Variants in CCDC150 observed in about 807,000 individuals in gnomAD.
CCDC150 encodes coiled-coil domain containing 150.
CCDC150 carries 151 observed loss-of-function variants against 156.5 expected under a neutral mutation model. The ratio of observed to expected loss-of-function variants is 0.97; its 90% confidence interval spans 0.85 to 1.10. The LOEUF (loss-of-function observed/expected upper bound fraction) is 1.10. CCDC150 is among the 50% of genes least tolerant of loss of function. CCDC150 has a pLI of 0.00. For missense variants in CCDC150, 1,312 were observed against 1,268.1 expected (o/e 1.03, Z -0.53); for synonymous variants, 452 against 429.4 (o/e 1.05, Z -0.65).
At chr2:196,723,239 A>T (rs1698025292) in intron 21 of CCDC150, among the ~76,000 whole-genome samples, 1 of 152,218 alleles carries the variant, frequency 6.6e-6, no homozygotes, top group African/African-American at 2.4e-5. Context: ...GCGGTGGCTC[A>T]CACCTGTAAT....
intron 2 of CCDC150, among the ~76,000 whole-genome samples, chr2:196,650,362 T>C (rs765602522): frequency 6.6e-6 from 1 of 152,208 alleles, no homozygotes; most frequent in Non-Finnish European, 1.5e-5. Context: ...TGGTGAATGA[T>C]CCTTTTACTG....
chr2:196,726,840 G>A (rs1201789344), intron 22 of CCDC150: 4 of 152,144 alleles, frequency 2.6e-5, no homozygotes, highest in African/African-American at 9.7e-5. Flanking sequence ...CCACCTGATG[G>A]ATGGCCTTAG....
intron 11 of CCDC150, 51 bp downstream of exon 11, chr2:196,676,318 G>A: frequency 1.9e-6 from 3 of 1,595,406 alleles, no homozygotes; most frequent in South Asian, 1.1e-5. Context: ...TTGCATGTGT[G>A]TTTCTTATCA....
chr2:196,713,044 ATG>A (rs1697241800), intron 17 of CCDC150: 6 of 468,038 alleles, frequency 1.3e-5, no homozygotes, highest in Non-Finnish European at 2.2e-5. Context: ...GAACTAAAAT[ATG>A]TTTTCAAATG....
Position 196,676,211 on chromosome 2 carries a change from T to C in CCDC150, c.1206T>C (p.Ser402=). ...QNLLLDAAHA[S]ITNELQTVQN... is the part of the protein sequence containing the mutation. ...TATTGCTGGATGCAGCCCATGCCAGTATCACAAATGAACTACAGACTGTTC... is the reference window on the plus strand; with the variant it reads ...TATTGCTGGATGCAGCCCATGCCAGCATCACAAATGAACTACAGACTGTTC... The change falls in exon 11 of 28, where the codon AGT becomes AGC. Residue 402 remains serine (S), a synonymous_variant. Transcript: ENST00000389175. 1 of 1,613,646 alleles carries C rather than the reference T, an allele frequency of 6.2e-7. No individual in the cohort carries two copies. Among genetic ancestry groups the C allele is most frequent in the Non-Finnish European group, 8.5e-7 (1 of 1,179,602 alleles).
intron 2 of CCDC150, among the ~76,000 whole-genome samples, chr2:196,650,808 C>T (rs890736018): frequency 3.3e-5 from 5 of 152,126 alleles, no homozygotes; most frequent in Admixed American, 1.3e-4. Flanking sequence ...CCTTGTAAAA[C>T]GAATTTGATG....
intron 17 of CCDC150, chr2:196,713,600 G>T (rs1449007524): frequency 2.0e-6 from 3 of 1,521,090 alleles, no homozygotes; most frequent in Non-Finnish European, 2.6e-6. Flanking sequence ...AACCATGGAG[G>T]GAAGACTGGA....
At position 196,665,613 on chromosome 2, in the gene CCDC150, A is replaced by C. The variant is rs1262036421; in HGVS notation, c.692A>C (p.Glu231Ala). 6.2e-7 allele frequency: 1 copy of C among 1,606,436 alleles called. No homozygotes were observed. Among genetic ancestry groups the C allele is most frequent in the Admixed American group, 1.7e-5 (1 of 59,202 alleles). The change falls in exon 6 of 28, where the codon GAG becomes GCG. Residue 231 changes from glutamate (E) to alanine (A), a missense_variant. By Grantham distance (107) the Glu-to-Ala change is moderately radical. Coordinates refer to ENST00000389175, the MANE Select transcript of CCDC150 (RefSeq NM_001080539.2). ...GAGAAGTACCTTAGGGAATCTTTAG[A>C]GAAATCAGCATCAGCCATGCTCCTC... The part of the protein sequence containing the change: ...AQEKYLRESL[E>A]KSASAMLLKI...
At chr2:196,642,122 A>G (rs1692264748) in intron 1 of CCDC150, among the ~76,000 whole-genome samples, 1 of 152,210 alleles carries the variant, frequency 6.6e-6, no homozygotes, top group Non-Finnish European at 1.5e-5. Flanking sequence ...AAAAGTTTAT[A>G]TCTCAGTATT....
chr2:196,644,480 G>A (rs1334770107), intron 1 of CCDC150, among the ~76,000 whole-genome samples: 2 of 152,232 alleles, frequency 1.3e-5, no homozygotes, highest in Non-Finnish European at 2.9e-5. Flanking sequence ...GGCTTACTCA[G>A]AGGCTCTTTC....
At chr2:196,687,277 T>C (rs1203791777) in intron 13 of CCDC150, among the ~76,000 whole-genome samples, 1 of 152,170 alleles carries the variant, frequency 6.6e-6, no homozygotes, top group Non-Finnish European at 1.5e-5. Context: ...GCATCTGTTA[T>C]TATTTGATTT....
At chr2:196,679,410 A>G (rs1218935747) in intron 13 of CCDC150, among the ~76,000 whole-genome samples, 43 of 152,316 alleles carry the variant, frequency 2.8e-4, no homozygotes, top group Non-Finnish European at 1.2e-4. Flanking sequence ...AAATAGAATC[A>G]TACAGTATGT....
chr2:196,643,196 C>G (rs1248930517), intron 1 of CCDC150, among the ~76,000 whole-genome samples: 1 of 152,212 alleles, frequency 6.6e-6, no homozygotes, highest in Non-Finnish European at 1.5e-5. Context: ...GCTTTGTGCC[C>G]TGCCAACCAT....
At position 196,719,611 on chromosome 2, in the gene CCDC150, G is replaced by A. The variant is rs201013091; in HGVS notation, c.2110G>A (p.Val704Ile). Residue 704 changes from valine (V) to isoleucine (I), a missense_variant, in exon 19 of 28, where the codon GTA becomes ATA. By Grantham distance (29) the Val-to-Ile change is conservative (BLOSUM62 3). Coordinates refer to ENST00000389175, the MANE Select transcript of CCDC150 (RefSeq NM_001080539.2). ...TAAGATGCAAGGTGCTCTGGAGAAA[G>A]TACAAATAGAGCTTGGGCGGAGGGA... ...HSKMQGALEK[V>I]QIELGRRDSE... is the part of the protein sequence containing the mutation. 128 of 1,613,382 alleles carry A rather than the reference G, an allele frequency of 7.9e-5. 1 individual carries two copies. In the East Asian group the frequency reaches 2.5e-3, roughly 32 times the overall value.
At position 196,646,345 on chromosome 2, in the gene CCDC150, A is replaced by C. The variant is rs61743572; in HGVS notation, c.17A>C (p.His6Pro). Reference sequence around the variant, plus strand: ...AGATTGTGACTGTATTCTTAGGTACATATGGAAACTACAGTGTCCAGACCG... The same window carrying C: ...AGATTGTGACTGTATTCTTAGGTACCTATGGAAACTACAGTGTCCAGACCG... MDCKVHMETTVSRPVL... is the reference protein window; with the variant it reads MDCKVPMETTVSRPVL... The change falls in exon 2 of 28, where the codon CAT becomes CCT. Residue 6 changes from histidine (H) to proline (P), a missense_variant. Coordinates refer to ENST00000389175, the MANE Select transcript of CCDC150 (RefSeq NM_001080539.2). 51 of 1,613,534 alleles carry C rather than the reference A, an allele frequency of 3.2e-5. No homozygotes were observed. The highest frequency in any genetic ancestry group is 1.6e-4 in the Middle Eastern group (1 of 6,062).
chr2:196,718,476 A>G (rs771421087), intron 17 of CCDC150, 27 bp from the exon 18 acceptor site: 11 of 1,552,756 alleles, frequency 7.1e-6, no homozygotes, highest in Non-Finnish European at 9.6e-6. Context: ...TTGTAATGTT[A>G]TTTATTGTTT....
intron 10 of CCDC150, among the ~76,000 whole-genome samples, chr2:196,675,082 AT>A (rs1462572255): frequency 6.6e-6 from 1 of 152,098 alleles, no homozygotes; most frequent in Admixed American, 6.6e-5. Flanking sequence ...AATGTATATA[AT>A]CATTATGCTG....
At chr2:196,719,780 C>T (rs2680970) in intron 19 of CCDC150, 114 bp downstream of exon 19, 438,404 of 569,450 alleles carry the variant, frequency 0.77, 171,405 homozygotes, top group East Asian at 0.97. Context: ...AAAAAAATTG[C>T]AAAATGATAT....
At chr2:196,688,710 T>TGGTA (rs1695263104) in intron 13 of CCDC150, among the ~76,000 whole-genome samples, 1 of 152,078 alleles carries the variant, frequency 6.6e-6, no homozygotes, top group Non-Finnish European at 1.5e-5. Context: ...TTCACTCTGA[T>TGGTA]GGTAGTTTCT....
Sources: gnomAD v4.1 joint callset for allele counts (sites outside exome capture counted in the v4.1 genomes callset) on GRCh38, gnomAD v4.1.1 for gene constraint, MANE v1.5 for transcripts, NCBI Gene and HGNC (gene_info 2026-07-23, HGNC 2026-07-21) for gene names.